The following CCDC62 variants were observed in gnomAD, a reference collection of about 807,000 sequenced individuals.
The protein encoded by CCDC62 is coiled-coil domain-containing protein 62.
A neutral mutation model predicts 80.8 loss-of-function variants in CCDC62; 72 were observed. The observed-to-expected ratio is 0.89, with a 90% CI of 0.74 to 1.08. The LOEUF is 1.08. Among genes scored for constraint, CCDC62 ranks in the 50% least tolerant of loss-of-function variants. The pLI is 0.00. For synonymous variants in CCDC62, 286 were observed against 296.5 expected, an observed-to-expected ratio of 0.96 and a Z score of 0.36; for missense variants, 704 against 809.4, an observed-to-expected ratio of 0.87 and a Z score of 1.58.
chr12:122,793,931 T>C (rs1238087410), intron 6 of CCDC62, among the ~76,000 whole-genome samples: 1 of 152,216 alleles, frequency 6.6e-6, no homozygotes, highest in Non-Finnish European at 1.5e-5. Flanking sequence ...TTTGTAGCTT[T>C]ACAGTTGCAT....
intron 12 of CCDC62, among the ~76,000 whole-genome samples, chr12:122,824,678 G>A (rs1272811810): frequency 6.6e-6 from 1 of 152,136 alleles, no homozygotes; most frequent in Non-Finnish European, 1.5e-5. Context: ...CTACGTGGAG[G>A]AAAAGTATAT....
chr12:122,793,127 C>T (rs900567902), intron 6 of CCDC62, among the ~76,000 whole-genome samples: 4 of 152,054 alleles, frequency 2.6e-5, no homozygotes, highest in African/African-American at 9.7e-5. Flanking sequence ...TGCATTTGGA[C>T]GAAATCATCT....
rs1388792229 is a variant in CCDC62 at position 122,801,743 on chromosome 12, G to A, written c.1597G>A (p.Glu533Lys). 28 of 1,614,188 alleles carry A rather than the reference G, an allele frequency of 1.7e-5. No homozygotes were observed. Among genetic ancestry groups the A allele is most frequent in the Non-Finnish European group, 2.3e-5 (27 of 1,180,034 alleles). ...AGCCCCAGGCCACATGTCTGACGTG[G>A]AGTGGATGAGTATTTTCAAGCCTTC... ...IEAPGHMSDV[E>K]WMSIFKPSKM... Residue 533 changes from glutamate (E) to lysine (K), a missense_variant, in exon 9 of 13, where the codon GAG (glutamate) becomes AAG (lysine). Physicochemically the swap from Glu to Lys is moderately conservative, Grantham distance 56 (BLOSUM62 1). Coordinates refer to ENST00000253079, the MANE Select transcript of CCDC62 (RefSeq NM_201435.5).
chr12:122,808,616 T>A (rs900871403), intron 10 of CCDC62, among the ~76,000 whole-genome samples: 1 of 152,098 alleles, frequency 6.6e-6, no homozygotes, highest in African/African-American at 2.4e-5. Context: ...AATCTCAAAC[T>A]CCTGGGCTCA....
intron 5 of CCDC62, among the ~76,000 whole-genome samples, chr12:122,791,810 G>C (rs145139886): frequency 1.3e-5 from 2 of 152,328 alleles, no homozygotes; most frequent in East Asian, 3.9e-4. Context: ...GGCAAGGCTG[G>C]TGCAGGGAGG....
chr12:122,792,926 T>A (rs1020083256), intron 6 of CCDC62, among the ~76,000 whole-genome samples: 6 of 152,178 alleles, frequency 3.9e-5, no homozygotes, highest in African/African-American at 1.4e-4. Flanking sequence ...TAAAATGAGC[T>A]ATTCTCCCTT....
intron 1 of CCDC62, among the ~76,000 whole-genome samples, chr12:122,775,914 C>T (rs1244004218): frequency 6.6e-6 from 1 of 152,206 alleles, no homozygotes; most frequent in African/African-American, 2.4e-5. Context: ...AGCCCAACCT[C>T]ATTATTCTTG....
At chr12:122,796,877 CTT>C (rs11300322) in intron 6 of CCDC62, among the ~76,000 whole-genome samples, 384 of 36,876 alleles carry the variant, frequency 0.01, 2 homozygotes, top group African/African-American at 0.018. Flanking sequence ...ATCACTTCTT[CTT>C]TTTTTTTTTT....
chr12:122,807,611 C>T (rs1032862063), intron 10 of CCDC62, among the ~76,000 whole-genome samples: 1 of 151,890 alleles, frequency 6.6e-6, no homozygotes, highest in Non-Finnish European at 1.5e-5. Context: ...ATCTTCATCC[C>T]ACTAATGGGA....
chr12:122,797,498 G>A, intron 7 of CCDC62, 103 bp downstream of exon 7: 2 of 659,596 alleles, frequency 3.0e-6, no homozygotes, highest in East Asian at 2.8e-5. Flanking sequence ...TTGGTGATTT[G>A]GAATCCTAAC....
At chr12:122,811,821 CAAAAAAAAAAAAAAAAA>C (rs67025764) in intron 10 of CCDC62, among the ~76,000 whole-genome samples, 3 of 34,646 alleles carry the variant, frequency 8.7e-5, no homozygotes, top group Admixed American at 5.2e-4. Flanking sequence ...ACTCCATCTG[CAAAAAAAAAAAAAAAAA>C]AAAAAAAAAA....
chr12:122,821,884 T>C (rs1290464019), intron 11 of CCDC62, among the ~76,000 whole-genome samples: 1 of 152,086 alleles, frequency 6.6e-6, no homozygotes, highest in Non-Finnish European at 1.5e-5. Flanking sequence ...ATCATGTCTT[T>C]GTAGTGGAAA....
intron 2 of CCDC62, among the ~76,000 whole-genome samples, chr12:122,780,225 C>T (rs1212365892): frequency 1.4e-5 from 2 of 148,062 alleles, no homozygotes; most frequent in African/African-American, 2.5e-5. Context: ...GCAGAAGAAT[C>T]GCTTGAACCC....
At chr12:122,798,725 G>T (rs2031116459) in intron 8 of CCDC62, among the ~76,000 whole-genome samples, 1 of 152,160 alleles carries the variant, frequency 6.6e-6, no homozygotes, top group Non-Finnish European at 1.5e-5. Context: ...AGGTTGCAGT[G>T]AGCCGAGATC....
rs376123731 is a variant in CCDC62, at chr12:122,818,338, G to A, written c.2001+4919G>A. Among the ~76,000 whole-genome samples, 27 of 151,822 alleles carry A rather than the reference G, an allele frequency of 1.8e-4. 5 individuals carry two copies. Among genetic ancestry groups the A allele is most frequent in the African/African-American group, 2.2e-4 (9 of 41,404 alleles). On this transcript the variant is annotated intron_variant, in intron 11 of 12. Coordinates refer to ENST00000253079, the MANE Select transcript of CCDC62 (RefSeq NM_201435.5). ...CGTGGTGGCGGGCGCCTGTAGTCCCGGCTACTTGAAAGGCTGAGGCAGGAG... is the reference window on the plus strand; with the variant it reads ...CGTGGTGGCGGGCGCCTGTAGTCCCAGCTACTTGAAAGGCTGAGGCAGGAG...
chr12:122,801,374 C>A lies in CCDC62; in HGVS notation c.1228C>A (p.Pro410Thr). 6.2e-7 allele frequency: 1 copy of A among 1,614,116 alleles called. No individual in the cohort carries two copies. Among genetic ancestry groups the A allele is most frequent in the Non-Finnish European group, 8.5e-7 (1 of 1,180,006 alleles). Residue 410 changes from proline (P) to threonine (T), a missense_variant, in exon 9 of 13, where the codon CCT becomes ACT. By Grantham distance (38) the Pro-to-Thr change is conservative (BLOSUM62 -1). Coordinates refer to ENST00000253079, the MANE Select transcript of CCDC62 (RefSeq NM_201435.5). ...TKDLVEKHNL[P>T]WSLGGKTQIE... Reference sequence around the variant, plus strand: ...AGACTTAGTAGAGAAACACAACCTCCCTTGGTCTCTGGGAGGAAAAACCCA... The same window carrying A: ...AGACTTAGTAGAGAAACACAACCTCACTTGGTCTCTGGGAGGAAAAACCCA...
At chr12:122,794,306 C>T (rs1448820724) in intron 6 of CCDC62, among the ~76,000 whole-genome samples, 1 of 152,028 alleles carries the variant, frequency 6.6e-6, no homozygotes, top group Non-Finnish European at 1.5e-5. Context: ...GTGATCCTCC[C>T]ACCTCAGCCT....
At chr12:122,777,469 T>G in intron 1 of CCDC62, 22 bp from the exon 2 acceptor site, 1 of 1,582,576 alleles carries the variant, frequency 6.3e-7, no homozygotes. Context: ...TATTTTGATG[T>G]GAAACCGCTT....
At chr12:122,800,408 CTGTCTCTAT>C (rs2031227333) in intron 8 of CCDC62, among the ~76,000 whole-genome samples, 1 of 150,980 alleles carries the variant, frequency 6.6e-6, no homozygotes, top group Non-Finnish European at 1.5e-5. Context: ...TAGCAAGACC[CTGTCTCTAT>C]AAAAAAAAAA....
Sources: allele counts gnomAD v4.1 joint callset (sites outside exome capture counted in the v4.1 genomes callset), GRCh38; gene constraint gnomAD v4.1.1; transcripts MANE v1.5; gene names NCBI Gene and HGNC (gene_info 2026-07-23, HGNC 2026-07-21).